CCSER1: variants seen among roughly 807,000 people sequenced by gnomAD.
The protein encoded by CCSER1 is coiled-coil serine rich protein 1.
In CCSER1, 41 loss-of-function variants were observed where a neutral mutation model predicts 82.0. The ratio of observed to expected loss-of-function variants is 0.50; its 90% CI spans 0.39 to 0.65. CCSER1 has a LOEUF of 0.65. CCSER1 is among the 30% of genes least tolerant of loss of function. The pLI is 0.00. For missense variants in CCSER1, 1,119 were observed against 1,064.2 expected, an observed-to-expected ratio of 1.05 and a Z score of -0.72; for synonymous variants, 414 against 383.9, an observed-to-expected ratio of 1.08 and a Z score of -0.92.
At chr4:91,357,876 GCCC>G (rs71596562) in intron 10 of CCSER1, among the ~76,000 whole-genome samples, 17 of 60,096 alleles carry the variant, frequency 2.8e-4, no homozygotes, top group African/African-American at 7.6e-4. Context: ...AATTCTGCCT[GCCC>G]CCCCCCCCTT....
intron 10 of CCSER1, among the ~76,000 whole-genome samples, chr4:91,301,715 TG>T: frequency 6.6e-6 from 1 of 151,978 alleles, no homozygotes; most frequent in African/African-American, 2.4e-5. Context: ...CATTCACCAA[TG>T]GATAAGAATC....
intron 4 of CCSER1, among the ~76,000 whole-genome samples, chr4:90,460,981 CTTTG>C (rs1438731572): frequency 1.3e-5 from 2 of 151,574 alleles, no homozygotes; most frequent in Non-Finnish European, 2.9e-5. Context: ...CCATTTCTCA[CTTTG>C]TTTATTTCAA....
intron 8 of CCSER1, among the ~76,000 whole-genome samples, chr4:90,900,259 T>C (rs1292766424): frequency 6.6e-6 from 1 of 151,914 alleles, no homozygotes. Flanking sequence ...TGCGTAGAGA[T>C]GTTCTTAGCA....
intron 10 of CCSER1, among the ~76,000 whole-genome samples, chr4:91,106,921 G>A (rs1725674011): frequency 1.3e-5 from 2 of 152,162 alleles, no homozygotes; most frequent in South Asian, 4.1e-4. Flanking sequence ...ATAGCCGTGT[G>A]CCACAGAATG....
At chr4:91,018,652 G>A (rs1739652770) in intron 9 of CCSER1, among the ~76,000 whole-genome samples, 2 of 151,944 alleles carry the variant, frequency 1.3e-5, no homozygotes, top group Admixed American at 6.6e-5. Flanking sequence ...GACGCTTCTA[G>A]TATGCTAAGC....
chr4:90,744,660 T>C (rs1254476414), intron 7 of CCSER1, among the ~76,000 whole-genome samples: 2 of 152,080 alleles, frequency 1.3e-5, no homozygotes, highest in Admixed American at 1.3e-4. Context: ...AGATGACCGA[T>C]GGGCAAGCAG....
intron 1 of CCSER1, among the ~76,000 whole-genome samples, chr4:90,236,525 C>T (rs1006558071): frequency 1.3e-5 from 2 of 152,084 alleles, no homozygotes; most frequent in East Asian, 1.9e-4. Context: ...TTATTTGAGG[C>T]CAGTGAAAGT....
At chr4:90,861,928 T>TATATATATA (rs1561265442) in intron 8 of CCSER1, among the ~76,000 whole-genome samples, 77 of 109,378 alleles carry the variant, frequency 7.0e-4, no homozygotes, top group African/African-American at 2.0e-3. Flanking sequence ...ATATATATAT[T>TATATATATA]TTTTTTTTCT....
intron 10 of CCSER1, among the ~76,000 whole-genome samples, chr4:91,492,506 G>T (rs942003408): frequency 6.6e-6 from 1 of 152,058 alleles, no homozygotes; most frequent in African/African-American, 2.4e-5. Context: ...TTGATACTCT[G>T]CAGTATATCC....
chr4:90,229,669 G>T (rs1229541541), intron 1 of CCSER1, among the ~76,000 whole-genome samples: 3 of 152,136 alleles, frequency 2.0e-5, no homozygotes, highest in African/African-American at 4.8e-5. Flanking sequence ...AAAAGACACA[G>T]ACTGGCAAAT....
intron 6 of CCSER1, among the ~76,000 whole-genome samples, chr4:90,696,687 T>C (rs1265787267): frequency 6.6e-6 from 1 of 152,156 alleles, no homozygotes. Flanking sequence ...TTTAGCACTT[T>C]GTGTGCCAAC....
intron 10 of CCSER1, among the ~76,000 whole-genome samples, chr4:91,168,929 G>A (rs1378455665): frequency 2.0e-5 from 3 of 152,068 alleles, no homozygotes. Context: ...GAAACGTGCT[G>A]TGTCAACTCA....
chr4:90,705,387 G>A (rs1739128554), intron 6 of CCSER1, among the ~76,000 whole-genome samples: 1 of 152,204 alleles, frequency 6.6e-6, no homozygotes, highest in Admixed American at 6.5e-5. Flanking sequence ...CCCCCTACTG[G>A]GGGTTGCCTC....
chr4:91,003,659 C>G (rs978176976), intron 9 of CCSER1, among the ~76,000 whole-genome samples: 1 of 152,122 alleles, frequency 6.6e-6, no homozygotes, highest in Non-Finnish European at 1.5e-5. Context: ...GCTATGAGAG[C>G]AGTTAGGGCT....
chr4:90,405,842 A>G (rs1753629906), intron 4 of CCSER1, among the ~76,000 whole-genome samples: 1 of 152,210 alleles, frequency 6.6e-6, no homozygotes, highest in Non-Finnish European at 1.5e-5. Context: ...AGCCAGCACT[A>G]CAGGAACTGC....
chr4:91,083,963 C>T (rs975823914), intron 9 of CCSER1, among the ~76,000 whole-genome samples: 5 of 152,016 alleles, frequency 3.3e-5, no homozygotes, highest in Non-Finnish European at 7.4e-5. Flanking sequence ...CAATGTTTTC[C>T]CCACAAGCTT....
At chr4:90,231,589 C>G (rs2153428198) in intron 1 of CCSER1, among the ~76,000 whole-genome samples, 1 of 143,954 alleles carries the variant, frequency 6.9e-6, no homozygotes, top group African/African-American at 2.7e-5. Context: ...TCTCACGACT[C>G]CTATTCAACA....
intron 9 of CCSER1, among the ~76,000 whole-genome samples, chr4:90,943,669 C>T (rs1581165422): frequency 6.6e-6 from 1 of 151,092 alleles, no homozygotes; most frequent in Admixed American, 6.6e-5. Context: ...CTCAAGCAAT[C>T]CTCCTGCCTC....
At chr4:91,227,375 G>T (rs1738280053) in intron 10 of CCSER1, among the ~76,000 whole-genome samples, 1 of 150,014 alleles carries the variant, frequency 6.7e-6, no homozygotes, top group African/African-American at 2.5e-5. Flanking sequence ...CTCTTGGCTG[G>T]AATCTACACA....
Sources: gnomAD v4.1 joint callset for allele counts (sites outside exome capture counted in the v4.1 genomes callset) on GRCh38, gnomAD v4.1.1 for gene constraint, MANE v1.5 for transcripts, NCBI Gene and HGNC (gene_info 2026-07-23, HGNC 2026-07-21) for gene names.